The following C2CD2 variants were observed in gnomAD, a reference collection of about 807,000 sequenced individuals.
The protein encoded by C2CD2 is C2 domain-containing protein 2.
C2CD2 carries 43 observed loss-of-function variants against 74.3 expected under a neutral mutation model. The ratio of observed to expected loss-of-function variants is 0.58; its 90% CI spans 0.45 to 0.75. C2CD2 has a LOEUF of 0.75. Ranked by LOEUF, C2CD2 falls within the 30% of genes least tolerant of loss-of-function variation. The pLI, the probability that C2CD2 is intolerant of heterozygous loss-of-function variation, is 0.00. For synonymous variants in C2CD2, 422 were observed against 390.7 expected, an observed-to-expected ratio of 1.08 and a Z score of -0.94; for missense variants, 801 against 916.3, an observed-to-expected ratio of 0.87 and a Z score of 1.63.
Position 41,907,234 on chromosome 21 carries a change from A to G in C2CD2, c.1144-68T>C, listed in dbSNP as rs1310318750. On this transcript the variant is annotated intron_variant, in intron 9 of 13. Transcript: ENST00000380486. ...TGCCCAGGCTGATCAGCCAGGTAAC[A>G]CTGCCTTCTTGTGAAATAACCATAA... 5.7e-6 allele frequency: 7 copies of G among 1,223,238 alleles called. No homozygotes were observed. In the East Asian group the frequency reaches 7.0e-5, roughly 12 times the overall value. 75.8% of individuals were successfully genotyped at this position (1,223,238 alleles called of 1,614,324 possible). A position where few individuals can be genotyped will look rare whatever the true frequency, so the allele number is the denominator to read the frequency against.
At position 41,885,977 on chromosome 21, in the gene C2CD2, T is replaced by C. The variant is rs1169838053; in HGVS notation, c.*3147A>G. 1 of 152,472 alleles carries C rather than the reference T, an allele frequency of 6.6e-6. No homozygotes were observed. Among genetic ancestry groups the C allele is most frequent in the African/African-American group, 2.4e-5 (1 of 41,452 alleles). 9.4% of individuals were successfully genotyped at this position (152,472 alleles called of 1,614,324 possible). ...CAGGTTTTCAGCTGGAACAAGGAGA[T>C]GGCTACTTTTTGTTATTGCTACAAT... On this transcript the variant is annotated 3_prime_UTR_variant, in exon 14 of 14. Transcript: ENST00000380486.
In C2CD2 at chr21:41,929,408, G is replaced by A. The variant is rs2065244312; in HGVS notation, c.379-7323C>T. Among the ~76,000 whole-genome samples the A allele has an allele frequency of 6.6e-6, 1 of 152,184 alleles. No individual in the cohort carries two copies. The highest frequency in any genetic ancestry group is 2.4e-5 in the African/African-American group (1 of 41,432). On this transcript the variant is annotated intron_variant, in intron 2 of 13. Transcript: ENST00000380486. This position sits in a 1 kb window ranked among gnomAD's most constrained non-coding sequence, Gnocchi z 4.6. ...CACAACGTGTGCCATGCGGGGTACT[G>A]CACGGGCACAGGCCTGCCCTGCTTC...
At position 41,905,828 on chromosome 21, in the gene C2CD2, A is replaced by G; in HGVS notation, c.1328T>C (p.Val443Ala). ...RASPLSSDSP[V>A]KTPIKVKVIE... is the part of the protein sequence containing the mutation. Reference sequence around the variant, plus strand: ...CACCTTCACCTTGATGGGAGTCTTCACCGGAGAATCTGCCAGAGGAAGATC... The same window carrying G: ...CACCTTCACCTTGATGGGAGTCTTCGCCGGAGAATCTGCCAGAGGAAGATC... The change falls in exon 11 of 14, where the codon GTG becomes GCG. Residue 443 changes from valine to alanine, a missense_variant. Transcript: ENST00000380486. 2 of 1,578,240 alleles carry G rather than the reference A, an allele frequency of 1.3e-6. No homozygotes were observed. The highest frequency in any genetic ancestry group is 4.5e-5 in the East Asian group (2 of 44,664).
chr21:41,932,458 G>C (rs1301373377), intron 2 of C2CD2, among the ~76,000 whole-genome samples: 3 of 150,678 alleles, frequency 2.0e-5, no homozygotes, highest in Non-Finnish European at 4.5e-5. Context: ...ATAGTCAGAA[G>C]AACGGGGGCA....
At chr21:41,917,009 G>A (rs910923474) in intron 5 of C2CD2, among the ~76,000 whole-genome samples, 1 of 152,196 alleles carries the variant, frequency 6.6e-6, no homozygotes, top group African/African-American at 2.4e-5. Context: ...GGCATGGCCT[G>A]GTCCCCTCCA....
chr21:41,943,753 C>T (rs1176874219), intron 1 of C2CD2, among the ~76,000 whole-genome samples: 1 of 152,216 alleles, frequency 6.6e-6, no homozygotes, highest in Non-Finnish European at 1.5e-5. Flanking sequence ...CCGCGTAAAC[C>T]TAAAGGGGAC....
At chr21:41,897,780 G>A (rs1424676791) in intron 13 of C2CD2, among the ~76,000 whole-genome samples, 1 of 152,214 alleles carries the variant, frequency 6.6e-6, no homozygotes, top group Non-Finnish European at 1.5e-5. Context: ...GAGGGGAAGA[G>A]GACAGACTCA....
chr21:41,894,491 G>A (rs1569054020), intron 13 of C2CD2: 1 of 386,090 alleles, frequency 2.6e-6, no homozygotes, highest in Non-Finnish European at 5.1e-6. Flanking sequence ...TGCTGCTAAG[G>A]ACAGCGTCTG....
chr21:41,938,605 G>C (rs1601599685), intron 2 of C2CD2, among the ~76,000 whole-genome samples: 1 of 152,092 alleles, frequency 6.6e-6, no homozygotes, highest in South Asian at 2.1e-4. Flanking sequence ...CTGTCTCTCT[G>C]AATCAGGCTA....
Position 41,929,331 on chromosome 21 carries a change from G to A in C2CD2, c.379-7246C>T, listed in dbSNP as rs762522034. The stretch of plus-strand genomic sequence containing the variant: ...GGAGCATGGTGAGCTCTCATGAGAA[G>A]GGATACAAGCTCTATACCCAGGGCC... On this transcript the variant is annotated intron_variant, in intron 2 of 13. Transcript: ENST00000380486. This position sits in a 1 kb window ranked among gnomAD's most constrained non-coding sequence, Gnocchi z 4.6. 6.6e-6 allele frequency among the ~76,000 whole-genome samples: 1 copy of A among 152,162 alleles called. No individual in the cohort carries two copies. Among genetic ancestry groups the A allele is most frequent in the Non-Finnish European group, 1.5e-5 (1 of 68,026 alleles).
rs139535163 is a variant in C2CD2, at chr21:41,923,267, A to C, written c.379-1182T>G. On this transcript the variant is annotated intron_variant, in intron 2 of 13. Coordinates refer to ENST00000380486, the MANE Select transcript of C2CD2 (RefSeq NM_015500.2). This position sits in a 1 kb window ranked among gnomAD's most constrained non-coding sequence, Gnocchi z 5.8. ...CTCGGCCTTCCAAAGTGCTAGGATT[A>C]CAGGCATGAGCCACCGTGCCCGGCC... Among the ~76,000 whole-genome samples the C allele has an allele frequency of 6.6e-6, 1 of 152,270 alleles. No homozygotes were observed. The highest frequency in any genetic ancestry group is 1.9e-4 in the East Asian group (1 of 5,186).
rs1293739827 is a variant in C2CD2, at chr21:41,924,273, C to T, written c.379-2188G>A. 6.6e-6 allele frequency among the ~76,000 whole-genome samples: 1 copy of T among 152,218 alleles called. No homozygotes were observed. The highest frequency in any genetic ancestry group is 1.5e-5 in the Non-Finnish European group (1 of 68,036). ...GGTCCAGCTCTTCCCACCAGTGGCC[C>T]ATCCCACTCTGGAACAAAAACGGAA... is the stretch of plus-strand genomic sequence containing the variant. On this transcript the variant is annotated intron_variant, in intron 2 of 13. Coordinates refer to ENST00000380486, the MANE Select transcript of C2CD2 (RefSeq NM_015500.2). This position sits in a 1 kb window ranked among gnomAD's most constrained non-coding sequence, Gnocchi z 4.4.
chr21:41,948,591 G>C (rs1379608045), intron 1 of C2CD2, among the ~76,000 whole-genome samples: 1 of 152,186 alleles, frequency 6.6e-6, no homozygotes. Flanking sequence ...GAGGGTGCAG[G>C]GTTCACAGCC....
intron 2 of C2CD2, among the ~76,000 whole-genome samples, chr21:41,940,486 G>T (rs565933944): frequency 1.3e-5 from 2 of 152,196 alleles, no homozygotes; most frequent in Non-Finnish European, 2.9e-5. Context: ...CCACACAGGC[G>T]TCCCCTCCTT....
In C2CD2 at chr21:41,899,426, C is replaced by T; in HGVS notation, c.1561-64G>A. 2.1e-6 allele frequency: 3 copies of T among 1,413,880 alleles called. No homozygotes were observed. Among genetic ancestry groups the T allele is most frequent in the Non-Finnish European group, 2.9e-6 (3 of 1,029,502 alleles). 87.6% of individuals were successfully genotyped at this position (1,413,880 alleles called of 1,614,324 possible). ...AAAGGAAGGGAGGGTTTGAAAAGAA[C>T]TGAAAAGCACTCTCCAAAACATTCT... On this transcript the variant is annotated intron_variant, in intron 12 of 13. Transcript: ENST00000380486. The surrounding 1 kb of genome is among the most constrained non-coding windows in gnomAD (Gnocchi z 4.4).
rs373823761 is a variant in C2CD2 at position 41,903,478 on chromosome 21, T to C, written c.1433-1729A>G. 1.6e-4 allele frequency among the ~76,000 whole-genome samples: 25 copies of C among 152,252 alleles called. 4 individuals carry two copies. The highest frequency in any genetic ancestry group is 5.9e-4 in the Admixed American group (9 of 15,288). ...TAAATTGTAGGACACCCAGTTGGTG[T>C]CTGCAGAGAAACAGAAAATTGCTTG... On this transcript the variant is annotated intron_variant, in intron 11 of 13. Coordinates refer to ENST00000380486, the MANE Select transcript of C2CD2 (RefSeq NM_015500.2). The surrounding 1 kb of genome is among the most constrained non-coding windows in gnomAD (Gnocchi z 4.5).
Position 41,922,160 on chromosome 21 carries a change from CTTCT to C in C2CD2, c.379-79_379-76del, listed in dbSNP as rs1569073820. The stretch of plus-strand genomic sequence containing the variant: ...GCGCGTGCATACGCATCTTCTTCTT[CTTCT>C]TTTTTTTTTTTTGAGACAAGGTCTC... On this transcript the variant is annotated intron_variant, in intron 2 of 13. Transcript: ENST00000380486. The C allele has an allele frequency of 3.2e-4, 229 of 725,854 alleles. 1 individual carries two copies. Among genetic ancestry groups the C allele is most frequent in the South Asian group, 6.1e-4 (34 of 55,872 alleles). The allele number at this position is 725,854 out of a possible 1,614,324, so 45.0% of individuals were successfully genotyped here. A position where few individuals can be genotyped will look rare whatever the true frequency, so the allele number is the denominator to read the frequency against.
intron 5 of C2CD2, 77 bp downstream of exon 5, chr21:41,918,028 A>G: frequency 3.8e-6 from 6 of 1,559,088 alleles, no homozygotes; most frequent in Non-Finnish European, 5.3e-6. Context: ...GCTGGAACGC[A>G]CACAGATTCT....
At chr21:41,910,395 C>T (rs1307755852) in intron 7 of C2CD2, among the ~76,000 whole-genome samples, 15 of 152,174 alleles carry the variant, frequency 9.9e-5, no homozygotes, top group Admixed American at 8.5e-4. Flanking sequence ...AATTGCCTGT[C>T]AAATGGCATG....
Sources: gnomAD v4.1 joint callset for allele counts (sites outside exome capture counted in the v4.1 genomes callset) on GRCh38, gnomAD v4.1.1 for gene constraint, Gnocchi (gnomAD v3.1) non-coding constraint, MANE v1.5 for transcripts, NCBI Gene and HGNC (gene_info 2026-07-23, HGNC 2026-07-21) for gene names.